IGF1R: variants seen among roughly 807,000 people sequenced by gnomAD.
IGF1R encodes insulin like growth factor 1 receptor.
IGF1R carries 44 observed loss-of-function variants against 144.6 expected under a neutral mutation model. The ratio of observed to expected loss-of-function variants is 0.30; its 90% CI spans 0.24 to 0.39. The LOEUF (loss-of-function observed/expected upper bound fraction) is 0.39. Ranked by LOEUF, IGF1R falls within the 10% of genes least tolerant of loss-of-function variation. The pLI is 1.00. For synonymous variants in IGF1R, 795 were observed against 722.8 expected, an observed-to-expected ratio of 1.10 and a Z score of -1.60; for missense variants, 1,355 against 1,833.7, an observed-to-expected ratio of 0.74 and a Z score of 4.77.
At chr15:98,756,522 A>AT (rs1232959995) in intron 2 of IGF1R, among the ~76,000 whole-genome samples, 2 of 151,838 alleles carry the variant, frequency 1.3e-5, no homozygotes, top group African/African-American at 4.8e-5. Flanking sequence ...ACTAACACAT[A>AT]TTTTTGCTCT....
rs1309680598 is a variant in IGF1R, at chr15:98,899,705, C to T, written c.1247+84C>T. 8.1e-6 allele frequency: 11 copies of T among 1,356,454 alleles called. No individual in the cohort carries two copies. In the Admixed American group the frequency reaches 1.9e-4, roughly 23 times the overall value. The allele number at this position is 1,356,454 out of a possible 1,614,324, so 84.0% of individuals were successfully genotyped here. A position where few individuals can be genotyped will look rare whatever the true frequency, so the allele number is the denominator to read the frequency against. ...GAAACTGTGTTGCTGAGGTAAGAGCCCTCCCTGCCTTGTTAAAGAGAAGAA... is the reference window on the plus strand; with the variant it reads ...GAAACTGTGTTGCTGAGGTAAGAGCTCTCCCTGCCTTGTTAAAGAGAAGAA... On this transcript the variant is annotated intron_variant, in intron 5 of 20. Transcript: ENST00000650285.
At position 98,845,061 on chromosome 15, in the gene IGF1R, T is replaced by C. The variant is rs75517235; in HGVS notation, c.641-46264T>C. ...GGAGTTTACATGAGTGTTTTTGCCT[T>C]GTTAGCCGTGGAACGACCTGGGCAG... On this transcript the variant is annotated intron_variant, in intron 2 of 20. Coordinates refer to ENST00000650285, the MANE Select transcript of IGF1R (RefSeq NM_000875.5). Among the ~76,000 whole-genome samples the C allele has an allele frequency of 8.6e-3, 1,307 of 152,326 alleles. 23 individuals are homozygous for C. Among genetic ancestry groups the C allele is most frequent in the African/African-American group, 0.029 (1,223 of 41,556 alleles).
chr15:98,851,099 A>G (rs2011511012), intron 2 of IGF1R, among the ~76,000 whole-genome samples: 1 of 152,292 alleles, frequency 6.6e-6, no homozygotes, highest in Non-Finnish European at 1.5e-5. Flanking sequence ...CGTGGAGAAC[A>G]GTGGCCTCTC....
chr15:98,805,926 A>G (rs747018129), intron 2 of IGF1R, among the ~76,000 whole-genome samples: 67 of 152,294 alleles, frequency 4.4e-4, no homozygotes, highest in Non-Finnish European at 9.3e-4. Flanking sequence ...GAGTTAGCAC[A>G]GACTCCACAG....
chr15:98,809,571 AC>A (rs1176525863), intron 2 of IGF1R, among the ~76,000 whole-genome samples: 1 of 152,070 alleles, frequency 6.6e-6, no homozygotes, highest in African/African-American at 2.4e-5. Context: ...TTTTTATAAA[AC>A]CGCTGAGTAG....
intron 1 of IGF1R, among the ~76,000 whole-genome samples, chr15:98,669,191 C>T (rs1224405444): frequency 2.0e-5 from 3 of 152,114 alleles, no homozygotes; most frequent in Admixed American, 1.3e-4. Context: ...CGTGCGTGTG[C>T]GGATTGGGCT....
intron 20 of IGF1R, among the ~76,000 whole-genome samples, chr15:98,954,986 G>A (rs967649246): frequency 2.0e-5 from 3 of 152,172 alleles, no homozygotes; most frequent in African/African-American, 7.2e-5. Flanking sequence ...TTCCAGGATC[G>A]TTGGTGATCA....
chr15:98,888,615 T>TTAC (rs1208963717), intron 2 of IGF1R, among the ~76,000 whole-genome samples: 14 of 152,194 alleles, frequency 9.2e-5, no homozygotes, highest in Non-Finnish European at 1.8e-4. Context: ...TAACTCCTTA[T>TTAC]TACTTGTGGG....
intron 5 of IGF1R, among the ~76,000 whole-genome samples, chr15:98,900,089 T>G (rs1419562481): frequency 6.6e-6 from 1 of 152,208 alleles, no homozygotes; most frequent in East Asian, 1.9e-4. Flanking sequence ...GTTCGTTTTG[T>G]TAGAAAGAAA....
At chr15:98,919,339 G>A (rs1008263513) in intron 10 of IGF1R, among the ~76,000 whole-genome samples, 12 of 152,164 alleles carry the variant, frequency 7.9e-5, no homozygotes, top group Non-Finnish European at 1.5e-4. Context: ...CAGGCTGGGC[G>A]GGAAGTTTGT....
At chr15:98,826,576 TC>T (rs2056898499) in intron 2 of IGF1R, among the ~76,000 whole-genome samples, 1 of 152,366 alleles carries the variant, frequency 6.6e-6, no homozygotes, top group East Asian at 1.9e-4. Flanking sequence ...AATCTAGACT[TC>T]CTTTGGAATT....
intron 1 of IGF1R, among the ~76,000 whole-genome samples, chr15:98,680,170 C>CA (rs2053154306): frequency 6.6e-6 from 1 of 152,136 alleles, no homozygotes. Context: ...GTAATGTCCT[C>CA]AGCCTTCACA....
chr15:98,794,455 A>C (rs1271924201), intron 2 of IGF1R, among the ~76,000 whole-genome samples: 1 of 152,172 alleles, frequency 6.6e-6, no homozygotes, highest in Non-Finnish European at 1.5e-5. Flanking sequence ...CAGTGATAAG[A>C]GGAGGAAAAC....
chr15:98,820,246 A>G (rs1596330334), intron 2 of IGF1R, among the ~76,000 whole-genome samples: 1 of 152,132 alleles, frequency 6.6e-6, no homozygotes, highest in East Asian at 1.9e-4. Context: ...CTCTGGTCTT[A>G]TAAGAGTCAC....
At chr15:98,757,633 T>G (rs978284904) in intron 2 of IGF1R, among the ~76,000 whole-genome samples, 1 of 152,162 alleles carries the variant, frequency 6.6e-6, no homozygotes, top group Non-Finnish European at 1.5e-5. Flanking sequence ...GGCCTTGAGT[T>G]CTTGGTTTGA....
intron 2 of IGF1R, among the ~76,000 whole-genome samples, chr15:98,775,361 G>C (rs1033402832): frequency 6.6e-6 from 1 of 152,130 alleles, no homozygotes; most frequent in African/African-American, 2.4e-5. Context: ...CCAAAGCCAG[G>C]CTGCCACCCC....
intron 2 of IGF1R, among the ~76,000 whole-genome samples, chr15:98,747,696 G>C (rs2054903798): frequency 6.6e-6 from 1 of 152,212 alleles, no homozygotes; most frequent in African/African-American, 2.4e-5. Flanking sequence ...TCTGGACAGT[G>C]AGTTAAATGG....
chr15:98,681,282 C>T (rs899766804), intron 1 of IGF1R, among the ~76,000 whole-genome samples: 5 of 152,142 alleles, frequency 3.3e-5, no homozygotes, highest in African/African-American at 9.7e-5. Context: ...CACCTTGTTT[C>T]GCATGTCTAC....
In IGF1R at chr15:98,916,056, C is replaced by A. The variant is rs933748793; in HGVS notation, c.1921C>A (p.Leu641Met). 1 of 1,614,088 alleles carries A rather than the reference C, an allele frequency of 6.2e-7. No homozygotes were observed. Among genetic ancestry groups the A allele is most frequent in the Admixed American group, 1.7e-5 (1 of 60,018 alleles). Residue 641 changes from leucine (L) to methionine (M), a missense_variant, in exon 9 of 21, where the codon CTG (leucine) becomes ATG (methionine). Leu to Met is a conservative substitution (Grantham distance 15, BLOSUM62 2). This residue lies in a region of IGF1R where 880 missense variants were observed against 1,202.7 expected (regional missense o/e 0.73). Coordinates refer to ENST00000650285, the MANE Select transcript of IGF1R (RefSeq NM_000875.5). ...WNPPSLPNGN[L>M]SYYIVRWQRQ... ...CCCTCCCTCTCTGCCCAACGGCAACCTGAGTTACTACATTGTGCGCTGGCA... is the reference window on the plus strand; with the variant it reads ...CCCTCCCTCTCTGCCCAACGGCAACATGAGTTACTACATTGTGCGCTGGCA...
Sources: gnomAD v4.1 joint callset for allele counts (sites outside exome capture counted in the v4.1 genomes callset) on GRCh38, gnomAD v4.1.1 for gene constraint, gnomAD v4.1.1 regional missense constraint, MANE v1.5 for transcripts, NCBI Gene and HGNC (gene_info 2026-07-23, HGNC 2026-07-21) for gene names.